The following RAI1 variants were observed in gnomAD, a reference collection of about 807,000 sequenced individuals.
The protein encoded by RAI1 is retinoic acid induced 1.
A neutral mutation model predicts 123.8 loss-of-function variants in RAI1; 9 were observed. The ratio of observed to expected loss-of-function variants is 0.07; its 90% CI spans 0.04 to 0.13. RAI1 has a LOEUF of 0.13. Ranked by LOEUF, RAI1 falls within the 10% of genes least tolerant of loss-of-function variation. RAI1 has a pLI of 1.00. For synonymous variants in RAI1, 1,231 were observed against 1,127.3 expected, an observed-to-expected ratio of 1.09 and a Z score of -1.84; for missense variants, 2,256 against 2,545.8, an observed-to-expected ratio of 0.89 and a Z score of 2.45.
At chr17:17,730,110 G>A (rs1476272374) in intron 2 of RAI1, among the ~76,000 whole-genome samples, 2 of 152,182 alleles carry the variant, frequency 1.3e-5, no homozygotes, top group African/African-American at 4.8e-5. Flanking sequence ...CCTTTGCACT[G>A]AAGCAGGCAG....
rs2032727515 is a variant in RAI1 at position 17,810,697 on chromosome 17, T to TC, written c.*716_*717insC. ...CGGGATCCCCGAGTGTGGGCGGGACTGGGACACCCTTTGGCCTCTGTTTGT... is the reference window on the plus strand; with the variant it reads ...CGGGATCCCCGAGTGTGGGCGGGACTCGGGACACCCTTTGGCCTCTGTTTGT... On this transcript the variant is annotated 3_prime_UTR_variant, in exon 6 of 6. Coordinates refer to ENST00000353383, the MANE Select transcript of RAI1 (RefSeq NM_030665.4). This position sits in a 1 kb window ranked among gnomAD's most constrained non-coding sequence, Gnocchi z 4.6. The TC allele has an allele frequency of 2.5e-6, 1 of 401,448 alleles. No individual in the cohort carries two copies. Among genetic ancestry groups the TC allele is most frequent in the East Asian group, 7.9e-5 (1 of 12,638 alleles). The allele number at this position is 401,448 out of a possible 1,614,324, so 24.9% of individuals were successfully genotyped here.
intron 2 of RAI1, among the ~76,000 whole-genome samples, chr17:17,784,969 C>T (rs2031772332): frequency 6.6e-6 from 1 of 152,098 alleles, no homozygotes; most frequent in Non-Finnish European, 1.5e-5. Context: ...ATAGTTAAGC[C>T]CTTCTTCCAG....
At chr17:17,789,497 C>T (rs2143000699) in intron 2 of RAI1, among the ~76,000 whole-genome samples, 1 of 152,304 alleles carries the variant, frequency 6.6e-6, no homozygotes, top group Middle Eastern at 3.4e-3. Context: ...TGGCCTTGCA[C>T]CGTAGGGTAG....
chr17:17,723,803 C>T (rs1436562134), intron 1 of RAI1, among the ~76,000 whole-genome samples: 4 of 150,326 alleles, frequency 2.7e-5, no homozygotes, highest in Admixed American at 6.6e-5. Context: ...ATCGCGCTTA[C>T]CGAGTGGATG....
intron 1 of RAI1, among the ~76,000 whole-genome samples, chr17:17,689,865 G>T (rs1025972663): frequency 6.6e-6 from 1 of 152,150 alleles, no homozygotes; most frequent in Non-Finnish European, 1.5e-5. Context: ...TCATGGACCA[G>T]CTTGGTGCTG....
Position 17,810,596 on chromosome 17 carries a change from G to A in RAI1, c.*615G>A. On this transcript the variant is annotated 3_prime_UTR_variant, in exon 6 of 6. Transcript: ENST00000353383. This position sits in a 1 kb window ranked among gnomAD's most constrained non-coding sequence, Gnocchi z 4.6. ...GCGGAACGCGTCCAGGGGCCTTCCC[G>A]CCCAGCCTTTGCCAGATCTCTCGTG... 3.0e-6 allele frequency: 1 copy of A among 328,310 alleles called. No individual in the cohort carries two copies. The highest frequency in any genetic ancestry group is 6.1e-6 in the Non-Finnish European group (1 of 164,188). The allele number at this position is 328,310 out of a possible 1,614,324, so 20.3% of individuals were successfully genotyped here. A position where few individuals can be genotyped will look rare whatever the true frequency, so the allele number is the denominator to read the frequency against.
intron 2 of RAI1, among the ~76,000 whole-genome samples, chr17:17,753,268 T>C (rs951670916): frequency 3.9e-5 from 6 of 152,208 alleles, no homozygotes; most frequent in Non-Finnish European, 8.8e-5. Flanking sequence ...TCAGGACCCC[T>C]GCCGACCAGA....
In RAI1 at chr17:17,794,696, GCTT is replaced by G; in HGVS notation, c.1751_1753del (p.Phe584del). ...CTACACGGCAGTCTGCCGCTCGACA[GCTT>G]CTCCAAGTTCGTGGCGGGTGAGCGG... On this transcript the variant is annotated inframe_deletion, in exon 3 of 6. Coordinates refer to ENST00000353383, the MANE Select transcript of RAI1 (RefSeq NM_030665.4). The G allele has an allele frequency of 6.2e-7, 1 of 1,612,948 alleles. No individual in the cohort carries two copies. The highest frequency in any genetic ancestry group is 8.5e-7 in the Non-Finnish European group (1 of 1,180,040).
intron 2 of RAI1, among the ~76,000 whole-genome samples, chr17:17,791,438 C>T (rs1325135574): frequency 3.3e-5 from 5 of 152,136 alleles, no homozygotes; most frequent in African/African-American, 4.8e-5. Flanking sequence ...TGCCCCTCCC[C>T]GACTCTGCGT....
chr17:17,732,005 G>A (rs929990077), intron 2 of RAI1, among the ~76,000 whole-genome samples: 4 of 151,892 alleles, frequency 2.6e-5, no homozygotes, highest in African/African-American at 7.3e-5. Context: ...GTGGTGGTGG[G>A]GGGAATAAGA....
chr17:17,732,724 C>A (rs1916310822), intron 2 of RAI1, among the ~76,000 whole-genome samples: 1 of 152,202 alleles, frequency 6.6e-6, no homozygotes, highest in South Asian at 2.1e-4. Flanking sequence ...TGGCGGTCAG[C>A]CTTCTCCTCA....
At chr17:17,789,399 T>G (rs1234756497) in intron 2 of RAI1, among the ~76,000 whole-genome samples, 1 of 152,188 alleles carries the variant, frequency 6.6e-6, no homozygotes, top group Non-Finnish European at 1.5e-5. Flanking sequence ...TCCTATAGAT[T>G]TCTGGAGGGA....
At chr17:17,712,999 G>C (rs1447769058) in intron 1 of RAI1, among the ~76,000 whole-genome samples, 1 of 151,982 alleles carries the variant, frequency 6.6e-6, no homozygotes, top group African/African-American at 2.4e-5. Context: ...GGGGAAATGG[G>C]GGGTGACTGC....
At chr17:17,774,496 C>T (rs2031269254) in intron 2 of RAI1, among the ~76,000 whole-genome samples, 1 of 152,264 alleles carries the variant, frequency 6.6e-6, no homozygotes, top group Admixed American at 6.5e-5. Context: ...ACATGCCAGC[C>T]AGGGAACACA....
Position 17,704,544 on chromosome 17 carries a change from A to G in RAI1, c.-148-19484A>G, listed in dbSNP as rs142517581. Among the ~76,000 whole-genome samples the G allele has an allele frequency of 3.4e-3, 514 of 152,258 alleles. 3 individuals carry two copies. The highest frequency in any genetic ancestry group is 0.012 in the African/African-American group (492 of 41,554). On this transcript the variant is annotated intron_variant, in intron 1 of 5. Coordinates refer to ENST00000353383, the MANE Select transcript of RAI1 (RefSeq NM_030665.4). The stretch of plus-strand genomic sequence containing the variant: ...GTGTAAAGGCCTGGCACACACAGAC[A>G]GGAGTTCCGATCTCAACTCCATCCT...
intron 2 of RAI1, among the ~76,000 whole-genome samples, chr17:17,774,088 A>G (rs942957424): frequency 1.3e-5 from 2 of 152,048 alleles, no homozygotes; most frequent in African/African-American, 4.8e-5. Flanking sequence ...TGCCTCCTCT[A>G]TGAGTTAAAA....
At chr17:17,808,589 A>C (rs926653737) in intron 4 of RAI1, among the ~76,000 whole-genome samples, 2 of 151,992 alleles carry the variant, frequency 1.3e-5, no homozygotes, top group South Asian at 2.1e-4. Context: ...CTGGGACTAC[A>C]GGCATGCGCC....
In RAI1 at chr17:17,796,500, C is replaced by T. The variant is rs751510948; in HGVS notation, c.3552C>T (p.Pro1184=). The change falls in exon 3 of 6, where the codon CCC becomes CCT. Residue 1184 remains proline (P), a synonymous_variant. Transcript: ENST00000353383. The surrounding 1 kb of genome is among the most constrained non-coding windows in gnomAD (Gnocchi z 5.8). ...AGCTCCTCGACAACAGCCACTTGCCCGCCACATTCAAGGTCTCCAGCAGCC... is the reference window on the plus strand; with the variant it reads ...AGCTCCTCGACAACAGCCACTTGCCTGCCACATTCAAGGTCTCCAGCAGCC... The part of the protein sequence containing the change: ...TKKLLDNSHL[P]ATFKVSSSPQ... 116 of 1,611,074 alleles carry T rather than the reference C, an allele frequency of 7.2e-5. 3 individuals are homozygous for T. In the South Asian group the frequency reaches 8.5e-4, roughly 12 times the overall value.
intron 1 of RAI1, among the ~76,000 whole-genome samples, chr17:17,707,969 C>A (rs568323609): frequency 6.6e-5 from 10 of 152,238 alleles, no homozygotes; most frequent in Admixed American, 2.0e-4. Context: ...CTCACAGGCT[C>A]CCTCAGGAGT....
Sources: gnomAD v4.1 joint callset for allele counts (sites outside exome capture counted in the v4.1 genomes callset) on GRCh38, gnomAD v4.1.1 for gene constraint, Gnocchi (gnomAD v3.1) non-coding constraint, MANE v1.5 for transcripts, NCBI Gene and HGNC (gene_info 2026-07-23, HGNC 2026-07-21) for gene names.